Variants in C8A observed in about 807,000 individuals in gnomAD.
C8A encodes the protein complement C8 alpha chain.
Under a neutral mutation model 65.3 loss-of-function variants are expected in C8A, and 67 were observed. The observed-to-expected ratio is 1.03, with a 90% CI of 0.84 to 1.26. The LOEUF (loss-of-function observed/expected upper bound fraction) is 1.26. Ranked by LOEUF, C8A falls within the 50% of genes most tolerant of loss-of-function variation. The probability of loss-of-function intolerance (pLI) is 0.00; values close to 1 mark genes in which losing one functional copy is unlikely to be tolerated. For synonymous variants in C8A, 290 were observed against 259.4 expected, an observed-to-expected ratio of 1.12 and a Z score of -1.13; for missense variants, 781 against 723.9, an observed-to-expected ratio of 1.08 and a Z score of -0.90.
At chr1:56,861,592 A>G (rs1644034034) in intron 1 of C8A, among the ~76,000 whole-genome samples, 1 of 152,166 alleles carries the variant, frequency 6.6e-6, no homozygotes, top group South Asian at 2.1e-4. Flanking sequence ...TTCTCCCCCT[A>G]CTTATTACAC....
intron 7 of C8A, among the ~76,000 whole-genome samples, chr1:56,891,743 T>C (rs916675237): frequency 2.0e-5 from 3 of 151,978 alleles, no homozygotes; most frequent in Admixed American, 6.6e-5. Context: ...CATACACACA[T>C]TGAGGTGAGA....
chr1:56,885,573 T>G (rs181097681), intron 6 of C8A, among the ~76,000 whole-genome samples: 47 of 148,902 alleles, frequency 3.2e-4, no homozygotes, highest in East Asian at 1.6e-3. Flanking sequence ...TTGTTTGTTT[T>G]TTTTTTTGAG....
chr1:56,877,777 T>C (rs2101223161), intron 4 of C8A, among the ~76,000 whole-genome samples: 1 of 152,298 alleles, frequency 6.6e-6, no homozygotes, highest in South Asian at 2.1e-4. Context: ...CCAGCCCTGT[T>C]GCAGCCCACC....
At chr1:56,877,444 G>A (rs918984493) in intron 4 of C8A, among the ~76,000 whole-genome samples, 3 of 152,072 alleles carry the variant, frequency 2.0e-5, no homozygotes, top group Non-Finnish European at 2.9e-5. Flanking sequence ...GATGTCTGTC[G>A]AGGTGTCTAT....
chr1:56,868,590 C>T (rs1644114183), intron 2 of C8A, among the ~76,000 whole-genome samples: 1 of 152,030 alleles, frequency 6.6e-6, no homozygotes, highest in Non-Finnish European at 1.5e-5. Context: ...TGCACTCCAG[C>T]TTAGGTTACA....
intron 2 of C8A, among the ~76,000 whole-genome samples, chr1:56,874,556 C>T (rs578023532): frequency 2.0e-5 from 3 of 152,138 alleles, no homozygotes; most frequent in Non-Finnish European, 2.9e-5. Flanking sequence ...TGGAGAACTA[C>T]GTGGATGCTC....
intron 7 of C8A, among the ~76,000 whole-genome samples, chr1:56,891,316 C>T (rs939430282): frequency 2.6e-5 from 4 of 151,912 alleles, no homozygotes; most frequent in African/African-American, 7.3e-5. Context: ...GCAGAAGCCT[C>T]GGAATAGGGG....
At chr1:56,901,798 C>T (rs920490503) in intron 7 of C8A, among the ~76,000 whole-genome samples, 2 of 152,060 alleles carry the variant, frequency 1.3e-5, no homozygotes, top group African/African-American at 4.8e-5. Context: ...GTCTCTGGCT[C>T]CTTCTTCTGA....
At chr1:56,880,511 C>A (rs923211765) in intron 4 of C8A, among the ~76,000 whole-genome samples, 1 of 152,122 alleles carries the variant, frequency 6.6e-6, no homozygotes, top group Non-Finnish European at 1.5e-5. Context: ...CAAAGTCATA[C>A]AGCTAGTAAG....
chr1:56,854,946 G>T lies in C8A; in HGVS notation c.45G>T (p.Gln15His), dbSNP rs1416728003. 1 of 1,613,836 alleles carries T rather than the reference G, an allele frequency of 6.2e-7. No individual in the cohort carries two copies. The highest frequency in any genetic ancestry group is 1.3e-5 in the African/African-American group (1 of 75,036). The change falls in exon 1 of 11, where the codon CAG becomes CAT. Residue 15 changes from glutamine (Q) to histidine (H), a missense_variant. Coordinates refer to ENST00000361249, the MANE Select transcript of C8A (RefSeq NM_000562.3). The part of the protein sequence containing the change: ...VFFILSLMTC[Q>H]PGVTAQEKVN... ...TCATCTTGTCTTTGATGACTTGTCAGCCTGGGGTAACTGCACAGGAGAAGG... is the reference window on the plus strand; with the variant it reads ...TCATCTTGTCTTTGATGACTTGTCATCCTGGGGTAACTGCACAGGAGAAGG...
chr1:56,884,829 T>TG, intron 6 of C8A, among the ~76,000 whole-genome samples: 1 of 152,274 alleles, frequency 6.6e-6, no homozygotes, highest in South Asian at 2.1e-4. Flanking sequence ...GTAAACTCCA[T>TG]GGGGGCAGGA....
intron 5 of C8A, among the ~76,000 whole-genome samples, chr1:56,882,949 G>A (rs1644259656): frequency 6.6e-6 from 1 of 151,220 alleles, no homozygotes; most frequent in East Asian, 1.9e-4. Flanking sequence ...ACTACTCACA[G>A]GCTCATAAGG....
intron 4 of C8A, among the ~76,000 whole-genome samples, chr1:56,879,672 T>C (rs921924669): frequency 6.6e-6 from 1 of 152,212 alleles, no homozygotes; most frequent in South Asian, 2.1e-4. Context: ...AATTTCTGCA[T>C]TTGCAAAGTT....
At chr1:56,898,633 T>G (rs1423476749) in intron 7 of C8A, among the ~76,000 whole-genome samples, 1 of 152,166 alleles carries the variant, frequency 6.6e-6, no homozygotes, top group East Asian at 1.9e-4. Flanking sequence ...GGAAGCCTGT[T>G]TTAGGTGCTT....
chr1:56,872,357 G>A lies in C8A; in HGVS notation c.172-2592G>A, dbSNP rs535539469. On this transcript the variant is annotated intron_variant, in intron 2 of 10. Transcript: ENST00000361249. ...TTCCATTCTCATTATGACATTGACT[G>A]GATATCTACTCAGTGCTGGCCATGT... Among the ~76,000 whole-genome samples, 128 of 152,212 alleles carry A rather than the reference G, an allele frequency of 8.4e-4. 1 individual carries two copies. The highest frequency in any genetic ancestry group is 6.8e-3 in the Middle Eastern group (2 of 294).
chr1:56,908,605 G>T (rs965711430), intron 9 of C8A, among the ~76,000 whole-genome samples: 1 of 151,998 alleles, frequency 6.6e-6, no homozygotes, highest in African/African-American at 2.4e-5. Context: ...TGGCTCAAAG[G>T]CCATACAAAA....
chr1:56,856,568 G>A (rs1643978139), intron 1 of C8A, among the ~76,000 whole-genome samples: 3 of 152,040 alleles, frequency 2.0e-5, no homozygotes, highest in South Asian at 4.1e-4. Context: ...TTATTTTTAA[G>A]TAATAGCACT....
intron 1 of C8A, among the ~76,000 whole-genome samples, chr1:56,855,511 G>A (rs1385751853): frequency 6.6e-6 from 1 of 152,020 alleles, no homozygotes; most frequent in Non-Finnish European, 1.5e-5. Flanking sequence ...GAGATGCTGG[G>A]TCATTTGATT....
chr1:56,881,367 A>T, intron 4 of C8A, 78 bp from the exon 5 acceptor site: 1 of 1,399,604 alleles, frequency 7.1e-7, no homozygotes, highest in Non-Finnish European at 1.0e-6. Flanking sequence ...ATGGTGGTTT[A>T]ATATACAGAT....
Sources: gnomAD v4.1 joint callset for allele counts (sites outside exome capture counted in the v4.1 genomes callset) on GRCh38, gnomAD v4.1.1 for gene constraint, MANE v1.5 for transcripts, NCBI Gene and HGNC (gene_info 2026-07-23, HGNC 2026-07-21) for gene names.